PKHD1L1: variants seen among roughly 807,000 people sequenced by gnomAD.
PKHD1L1 encodes PKHD1 like 1.
A neutral mutation model predicts 462.9 loss-of-function variants in PKHD1L1; 434 were observed. The ratio of observed to expected loss-of-function variants is 0.94; its 90% CI spans 0.87 to 1.02. The LOEUF is 1.02. Among genes scored for constraint, PKHD1L1 ranks in the 50% least tolerant of loss-of-function variants. PKHD1L1 has a pLI of 0.00. For missense variants in PKHD1L1, 5,202 were observed against 5,096.1 expected, an observed-to-expected ratio of 1.02 and a Z score of -0.63; for synonymous variants, 1,781 against 1,750.0, an observed-to-expected ratio of 1.02 and a Z score of -0.44.
chr8:109,367,807 G>A (rs1433903676), intron 2 of PKHD1L1, among the ~76,000 whole-genome samples: 1 of 152,240 alleles, frequency 6.6e-6, no homozygotes, highest in Non-Finnish European at 1.5e-5. Context: ...GGAGGCTAAG[G>A]TGAGAGGATT....
intron 74 of PKHD1L1, 39 bp downstream of exon 74, chr8:109,522,376 C>A: frequency 1.4e-6 from 2 of 1,470,834 alleles, no homozygotes; most frequent in Non-Finnish European, 1.8e-6. Context: ...TTTTTTGGGA[C>A]TTAAAATATC....
At chr8:109,483,330 T>C (rs1242209371) in intron 57 of PKHD1L1, among the ~76,000 whole-genome samples, 1 of 151,042 alleles carries the variant, frequency 6.6e-6, no homozygotes, top group Non-Finnish European at 1.5e-5. Context: ...TGTGTGCATA[T>C]AATACATAGG....
At chr8:109,488,873 C>A (rs1171877652) in intron 59 of PKHD1L1, among the ~76,000 whole-genome samples, 2 of 139,030 alleles carry the variant, frequency 1.4e-5, no homozygotes, top group African/African-American at 5.0e-5. Context: ...TAAATATTAC[C>A]CCTCTTTTAA....
rs1307523105 is a variant in PKHD1L1 at position 109,388,490 on chromosome 8, T to C, written c.570-7T>C. The stretch of plus-strand genomic sequence containing the variant: ...CTTGATTTTTTCTAATAAAAATATT[T>C]GTACAGAGTTTACATTGGAGGAATG... On this transcript the variant is annotated splice_polypyrimidine_tract_variant and splice_region_variant and intron_variant, in intron 6 of 77. Transcript: ENST00000378402. 4 of 1,497,634 alleles carry C rather than the reference T, an allele frequency of 2.7e-6. No homozygotes were observed. The highest frequency in any genetic ancestry group is 3.6e-6 in the Non-Finnish European group (4 of 1,100,698). The allele number at this position is 1,497,634 out of a possible 1,614,324, so 92.8% of individuals were successfully genotyped here. A position where few individuals can be genotyped will look rare whatever the true frequency, so the allele number is the denominator to read the frequency against.
At chr8:109,455,883 C>T (rs1412558184) in intron 45 of PKHD1L1, among the ~76,000 whole-genome samples, 1 of 152,000 alleles carries the variant, frequency 6.6e-6, no homozygotes, top group African/African-American at 2.4e-5. Flanking sequence ...AGAAAATCTA[C>T]ATTTGACTCT....
At chr8:109,527,586 T>A (rs1201963705) in intron 77 of PKHD1L1, among the ~76,000 whole-genome samples, 1 of 152,186 alleles carries the variant, frequency 6.6e-6, no homozygotes, top group Non-Finnish European at 1.5e-5. Flanking sequence ...TCTTTTTGAG[T>A]TGCAAGATGC....
chr8:109,468,704 G>A (rs1563579344), intron 50 of PKHD1L1, among the ~76,000 whole-genome samples: 1 of 152,170 alleles, frequency 6.6e-6, no homozygotes, highest in Non-Finnish European at 1.5e-5. Context: ...CCCCCATTCT[G>A]GCTGGTGGGC....
chr8:109,439,834 G>T (rs902039720), intron 32 of PKHD1L1, among the ~76,000 whole-genome samples: 5 of 152,140 alleles, frequency 3.3e-5, no homozygotes, highest in African/African-American at 1.2e-4. Context: ...TACAGCTAAT[G>T]TCAGAGTAGA....
chr8:109,498,719 C>G lies in PKHD1L1; in HGVS notation c.10776C>G (p.Pro3592=). Residue 3592 remains proline, a synonymous_variant, in exon 67 of 78, where the codon CCC becomes CCG. Coordinates refer to ENST00000378402, the MANE Select transcript of PKHD1L1 (RefSeq NM_177531.6). The part of the protein sequence containing the change: ...ASAHNMAPRK[P]HAGIMSYNAI... ...CTCATAACATGGCACCCCGAAAGCC[C>G]CATGCAGGAATCATGAGTTACAATG... 2 of 1,613,914 alleles carry G rather than the reference C, an allele frequency of 1.2e-6. No homozygotes were observed. The highest frequency in any genetic ancestry group is 1.7e-6 in the Non-Finnish European group (2 of 1,179,866).
Position 109,510,206 on chromosome 8 carries a change from T to A in PKHD1L1, c.11396-571T>A, listed in dbSNP as rs184297276. On this transcript the variant is annotated intron_variant, in intron 70 of 77. Coordinates refer to ENST00000378402, the MANE Select transcript of PKHD1L1 (RefSeq NM_177531.6). ...GAATGTGTTTGTTGAATTTACAAAT[T>A]AACTACTTTTAAAAAACAAGTGCAT... Among the ~76,000 whole-genome samples the A allele has an allele frequency of 2.8e-4, 42 of 152,292 alleles. No individual in the cohort carries two copies. The East Asian group carries it at 7.9e-3, about 29-fold the overall frequency.
Position 109,398,482 on chromosome 8 carries a change from G to A in PKHD1L1, c.946G>A (p.Val316Ile), listed in dbSNP as rs765386757. 1.3e-6 allele frequency: 2 copies of A among 1,563,292 alleles called. No homozygotes were observed. The highest frequency in any genetic ancestry group is 4.6e-5 in the East Asian group (2 of 43,140). The change falls in exon 12 of 78, where the codon GTC becomes ATC. Residue 316 changes from valine (V) to isoleucine (I), a missense_variant. Around this residue, in one of 3 missense-constraint regions of PKHD1L1, gnomAD observed 4,497 missense variants for 4,336.8 expected, o/e 1.04. Coordinates refer to ENST00000378402, the MANE Select transcript of PKHD1L1 (RefSeq NM_177531.6). ...AGGTGAACCTTGTGATATTTTGAAT[G>A]TCACAGAAAATAGTATATGTTGCAA... ...VGGEPCDILN[V>I]TENSICCKTP...
At chr8:109,414,032 A>G (rs1813999383) in intron 21 of PKHD1L1, among the ~76,000 whole-genome samples, 1 of 152,172 alleles carries the variant, frequency 6.6e-6, no homozygotes, top group Non-Finnish European at 1.5e-5. Context: ...AAATAAACCT[A>G]GAGAAGCTAT....
Position 109,479,588 on chromosome 8 carries a change from G to GA in PKHD1L1, c.9131dup (p.Asn3044LysfsTer2). On this transcript the variant is annotated frameshift_variant, in exon 54 of 78. Coordinates refer to ENST00000378402, the MANE Select transcript of PKHD1L1 (RefSeq NM_177531.6). LOFTEE classifies it high-confidence loss of function. ...TGATTCTTTTTGGCAATCATCACGA[G>GA]AAAATAATTATACTGTACCTCACCC... The GA allele has an allele frequency of 6.5e-7, 1 of 1,537,766 alleles. No individual in the cohort carries two copies. The highest frequency in any genetic ancestry group is 8.9e-7 in the Non-Finnish European group (1 of 1,118,974).
intron 44 of PKHD1L1, 78 bp downstream of exon 44, chr8:109,454,324 T>A: frequency 1.1e-6 from 1 of 929,356 alleles, no homozygotes; most frequent in Non-Finnish European, 1.6e-6. Flanking sequence ...GTAAAATGGA[T>A]AGTTAATTAT....
intron 2 of PKHD1L1, among the ~76,000 whole-genome samples, chr8:109,367,618 C>T (rs973601889): frequency 5.9e-5 from 9 of 152,228 alleles, no homozygotes; most frequent in South Asian, 2.1e-4. Context: ...CACGTTGGTC[C>T]GTGCCTGTAA....
At chr8:109,507,516 A>G (rs1586641627) in intron 68 of PKHD1L1, 147 bp from the exon 69 acceptor site, 4 of 654,532 alleles carry the variant, frequency 6.1e-6, no homozygotes, top group Non-Finnish European at 7.9e-6. Flanking sequence ...AATGCAAATT[A>G]CATAGGCTAC....
intron 48 of PKHD1L1, among the ~76,000 whole-genome samples, chr8:109,462,421 G>C (rs714995): frequency 0.48 from 73,130 of 151,966 alleles, 18,227 homozygotes; most frequent in South Asian, 0.68. Context: ...CAGAGATACC[G>C]TCTGATTTAT....
chr8:109,441,212 T>C, intron 33 of PKHD1L1, 63 bp from the exon 34 acceptor site: 5 of 1,171,938 alleles, frequency 4.3e-6, no homozygotes, highest in Non-Finnish European at 5.9e-6. Flanking sequence ...TCTCTATAAT[T>C]CACAAAAAAA....
chr8:109,446,677 C>CA (rs1158766061), intron 38 of PKHD1L1, among the ~76,000 whole-genome samples: 1 of 152,108 alleles, frequency 6.6e-6, no homozygotes, highest in African/African-American at 2.4e-5. Context: ...TGGTTGTAAT[C>CA]ATTGCAAATA....
Sources: gnomAD v4.1 joint callset for allele counts (sites outside exome capture counted in the v4.1 genomes callset) on GRCh38, gnomAD v4.1.1 for gene constraint, gnomAD v4.1.1 regional missense constraint, MANE v1.5 for transcripts, NCBI Gene and HGNC (gene_info 2026-07-23, HGNC 2026-07-21) for gene names.